Variants in DNAI4 observed in about 807,000 individuals in gnomAD.
DNAI4 encodes dynein axonemal intermediate chain 4, also known as WD repeat domain 78.
DNAI4 carries 85 observed loss-of-function variants against 105.8 expected under a neutral mutation model. The ratio of observed to expected loss-of-function variants is 0.80; its 90% CI spans 0.67 to 0.96. The LOEUF (loss-of-function observed/expected upper bound fraction) is 0.96, where lower values mean the gene tolerates loss of function less well. Ranked by LOEUF, DNAI4 falls within the 40% of genes least tolerant of loss-of-function variation. The pLI is 0.00. For missense variants in DNAI4, 1,014 were observed against 1,005.6 expected, an observed-to-expected ratio of 1.01 and a Z score of -0.11; for synonymous variants, 352 against 331.5, an observed-to-expected ratio of 1.06 and a Z score of -0.67.
At chr1:66,821,719 T>G (rs1031790431) in intron 16 of DNAI4, among the ~76,000 whole-genome samples, 3 of 152,270 alleles carry the variant, frequency 2.0e-5, no homozygotes, top group Admixed American at 2.0e-4. Context: ...TTCATATTGA[T>G]TTGTGCATAT....
chr1:66,834,640 ACTCT>A (rs1645942681), intron 11 of DNAI4, among the ~76,000 whole-genome samples: 1 of 151,860 alleles, frequency 6.6e-6, no homozygotes. Flanking sequence ...CATTGGTTTG[ACTCT>A]CTCTATGGAT....
intron 7 of DNAI4, among the ~76,000 whole-genome samples, chr1:66,861,878 G>T (rs544474275): frequency 6.6e-6 from 1 of 152,136 alleles, no homozygotes; most frequent in Non-Finnish European, 1.5e-5. Flanking sequence ...GAAAATGATG[G>T]AACTCACATG....
At chr1:66,876,608 A>G (rs1339532181) in intron 4 of DNAI4, among the ~76,000 whole-genome samples, 1 of 152,038 alleles carries the variant, frequency 6.6e-6, no homozygotes, top group Non-Finnish European at 1.5e-5. Context: ...CCCATTTCCT[A>G]AATGTTGCTT....
chr1:66,860,008 T>C (rs1297483368), intron 7 of DNAI4, among the ~76,000 whole-genome samples: 3 of 152,120 alleles, frequency 2.0e-5, no homozygotes, highest in Admixed American at 6.5e-5. Flanking sequence ...GGTTCACCAA[T>C]TGTAACAAAT....
intron 7 of DNAI4, among the ~76,000 whole-genome samples, chr1:66,856,962 G>GA (rs980076069): frequency 2.6e-5 from 4 of 151,260 alleles, no homozygotes; most frequent in Non-Finnish European, 2.9e-5. Context: ...AAAGCAAGCA[G>GA]AAAAAAAGAA....
intron 7 of DNAI4, among the ~76,000 whole-genome samples, chr1:66,855,859 G>GTTTC (rs1250641103): frequency 6.6e-6 from 1 of 152,154 alleles, no homozygotes; most frequent in African/African-American, 2.4e-5. Context: ...TTGAGACAGA[G>GTTTC]TTTCACTCTT....
intron 8 of DNAI4, among the ~76,000 whole-genome samples, chr1:66,842,503 G>A (rs1380665937): frequency 6.6e-6 from 1 of 152,146 alleles, no homozygotes; most frequent in African/African-American, 2.4e-5. Flanking sequence ...CAATTCTCAT[G>A]CTTCAGCCTA....
intron 1 of DNAI4, among the ~76,000 whole-genome samples, chr1:66,907,876 A>G (rs1461691090): frequency 6.6e-6 from 1 of 152,040 alleles, no homozygotes; most frequent in Non-Finnish European, 1.5e-5. Context: ...TCCAGCTTAA[A>G]TACCCTCTCA....
intron 1 of DNAI4, among the ~76,000 whole-genome samples, chr1:66,924,314 G>A (rs1650931083): frequency 6.6e-6 from 1 of 152,212 alleles, no homozygotes; most frequent in African/African-American, 2.4e-5. Flanking sequence ...GGGATTACAG[G>A]CATGTGCCAC....
chr1:66,880,442 C>G (rs780255230), intron 4 of DNAI4, among the ~76,000 whole-genome samples: 13 of 152,174 alleles, frequency 8.5e-5, no homozygotes, highest in Non-Finnish European at 1.8e-4. Flanking sequence ...ACAGTCTAGG[C>G]TGAGGTAGTC....
intron 2 of DNAI4, among the ~76,000 whole-genome samples, chr1:66,900,037 G>A (rs1330915290): frequency 6.6e-6 from 1 of 152,004 alleles, no homozygotes; most frequent in African/African-American, 2.4e-5. Flanking sequence ...GCTCTTCTGG[G>A]TCCTCTGTGA....
intron 1 of DNAI4, among the ~76,000 whole-genome samples, chr1:66,922,470 G>C (rs1047283590): frequency 6.6e-6 from 1 of 152,216 alleles, no homozygotes; most frequent in Non-Finnish European, 1.5e-5. Flanking sequence ...GCAAGAGGAA[G>C]AGTCTATAGT....
intron 13 of DNAI4, among the ~76,000 whole-genome samples, chr1:66,832,794 C>T (rs959223578): frequency 2.6e-5 from 4 of 151,960 alleles, no homozygotes; most frequent in African/African-American, 4.8e-5. Flanking sequence ...AATATATATA[C>T]CTTCTGTGTA....
chr1:66,834,478 TCTGA>T (rs1406918479), intron 11 of DNAI4, among the ~76,000 whole-genome samples: 4 of 152,118 alleles, frequency 2.6e-5, no homozygotes, highest in Middle Eastern at 3.2e-3. Context: ...ATTAATTCTT[TCTGA>T]CTTTTACTTT....
rs565720533 is a variant in DNAI4, at chr1:66,891,178, G to A, written c.619C>T (p.Arg207Trp). 2.7e-5 allele frequency: 44 copies of A among 1,613,174 alleles called. No individual in the cohort carries two copies. Among genetic ancestry groups the A allele is most frequent in the African/African-American group, 4.0e-5 (3 of 75,000 alleles). The change falls in exon 4 of 17, where the codon CGG becomes TGG. Residue 207 changes from arginine (R) to tryptophan (W), a missense_variant. Physicochemically the swap from Arg to Trp is moderately radical, Grantham distance 101. Transcript: ENST00000371026. Reference sequence around the variant, plus strand: ...CCTGTGAAACTAGTCAATCTTTCCCGTTTATAGGATGGTTCTTCCAGGTCT... The same window carrying A: ...CCTGTGAAACTAGTCAATCTTTCCCATTTATAGGATGGTTCTTCCAGGTCT... ...AEDLEEPSYK[R>W]ERLTSFTDLQ...
intron 8 of DNAI4, among the ~76,000 whole-genome samples, chr1:66,846,889 A>G (rs1220331356): frequency 6.6e-5 from 10 of 152,220 alleles, no homozygotes; most frequent in Non-Finnish European, 1.3e-4. Context: ...AAAATCCTTT[A>G]AAATATTCTG....
At chr1:66,904,616 TTG>T (rs1649097166) in intron 2 of DNAI4, among the ~76,000 whole-genome samples, 1 of 152,184 alleles carries the variant, frequency 6.6e-6, no homozygotes, top group Non-Finnish European at 1.5e-5. Context: ...ATTCTCCCCA[TTG>T]TGTCACATTT....
chr1:66,909,842 G>A (rs1649527590), intron 1 of DNAI4, among the ~76,000 whole-genome samples: 1 of 151,800 alleles, frequency 6.6e-6, no homozygotes, highest in Non-Finnish European at 1.5e-5. Context: ...TTTGTTAAGG[G>A]CAACTTTACT....
At chr1:66,858,404 G>A (rs1197202784) in intron 7 of DNAI4, among the ~76,000 whole-genome samples, 1 of 151,486 alleles carries the variant, frequency 6.6e-6, no homozygotes, top group African/African-American at 2.4e-5. Context: ...GTGGTGGCGG[G>A]CACCTGTAGT....
Sources: gnomAD v4.1 joint callset for allele counts (sites outside exome capture counted in the v4.1 genomes callset) on GRCh38, gnomAD v4.1.1 for gene constraint, MANE v1.5 for transcripts, NCBI Gene and HGNC (gene_info 2026-07-23, HGNC 2026-07-21) for gene names.